Variants in SHROOM3 observed in about 807,000 individuals in gnomAD.
The protein encoded by SHROOM3 is shroom family member 3.
Under a neutral mutation model 138.6 loss-of-function variants are expected in SHROOM3, and 47 were observed. That is an observed-to-expected ratio of 0.34 (90% confidence interval 0.27 to 0.43). The LOEUF (loss-of-function observed/expected upper bound fraction) is 0.43. Among genes scored for constraint, SHROOM3 ranks in the 20% least tolerant of loss-of-function variants. SHROOM3 has a pLI of 1.00. For missense variants in SHROOM3, 2,491 were observed against 2,596.5 expected, an observed-to-expected ratio of 0.96 and a Z score of 0.88; for synonymous variants, 1,062 against 1,063.3, an observed-to-expected ratio of 1.00 and a Z score of 0.02.
At chr4:76,603,235 G>A (rs1013433480) in intron 2 of SHROOM3, among the ~76,000 whole-genome samples, 20 of 152,092 alleles carry the variant, frequency 1.3e-4, no homozygotes, top group East Asian at 3.9e-4. Context: ...TGGCTAACAC[G>A]GTGAAGCCCT....
At chr4:76,556,316 C>T (rs1011674158) in intron 2 of SHROOM3, among the ~76,000 whole-genome samples, 5 of 152,114 alleles carry the variant, frequency 3.3e-5, no homozygotes, top group South Asian at 2.1e-4. Flanking sequence ...ACCAACCCTT[C>T]GTGGAGGAAA....
chr4:76,710,181 G>A lies in SHROOM3; in HGVS notation c.349G>A (p.Ala117Thr). The A allele has an allele frequency of 6.2e-7, 1 of 1,614,132 alleles. No individual in the cohort carries two copies. Among genetic ancestry groups the A allele is most frequent in the East Asian group, 2.2e-5 (1 of 44,874 alleles). ...AGATGTGTGCACAGACCCAGGCCATGCAGATACTGGTGCCTCTAACTTCGT... is the reference window on the plus strand; with the variant it reads ...AGATGTGTGCACAGACCCAGGCCATACAGATACTGGTGCCTCTAACTTCGT... Reference protein sequence around the residue: ...RRDVCTDPGHADTGASNFVSP... With the variant: ...RRDVCTDPGHTDTGASNFVSP... The change falls in exon 3 of 11, where the codon GCA becomes ACA. Residue 117 changes from alanine to threonine, a missense_variant. Physicochemically the swap from Ala to Thr is moderately conservative, Grantham distance 58. This residue lies in a region of SHROOM3 where 284 missense variants were observed against 322.8 expected (regional missense o/e 0.88). Coordinates refer to ENST00000296043, the MANE Select transcript of SHROOM3 (RefSeq NM_020859.4).
intron 2 of SHROOM3, among the ~76,000 whole-genome samples, chr4:76,692,431 TGTAGA>T (rs1443138626): frequency 1.3e-5 from 2 of 152,206 alleles, no homozygotes; most frequent in African/African-American, 4.8e-5. Context: ...ATTCTGAAGG[TGTAGA>T]GTACAGGGGT....
rs1343305466 is a variant in SHROOM3 at position 76,755,131 on chromosome 4, C to T, written c.4648C>T (p.Pro1550Ser). 2 of 1,611,208 alleles carry T rather than the reference C, an allele frequency of 1.2e-6. No homozygotes were observed. Among genetic ancestry groups the T allele is most frequent in the Non-Finnish European group, 1.7e-6 (2 of 1,178,464 alleles). The change falls in exon 7 of 11, where the codon CCT (proline) becomes TCT (serine). Residue 1550 changes from proline to serine, a missense_variant. By Grantham distance (74) the Pro-to-Ser change is moderately conservative. Coordinates refer to ENST00000296043, the MANE Select transcript of SHROOM3 (RefSeq NM_020859.4). ...VYSMDDFPPPPPHTVCEAQLD... is the reference protein window; with the variant it reads ...VYSMDDFPPPSPHTVCEAQLD... The stretch of plus-strand genomic sequence containing the variant: ...TAGCATGGATGACTTCCCTCCACCT[C>T]CTCCCCACACTGTATGTGAGGCGCA...
chr4:76,742,214 T>A, intron 5 of SHROOM3: 1 of 475,638 alleles, frequency 2.1e-6, no homozygotes, highest in Non-Finnish European at 3.8e-6. Flanking sequence ...AAATGCAAGG[T>A]TAAGAAAAAT....
At chr4:76,605,939 A>G (rs1390568730) in intron 2 of SHROOM3, among the ~76,000 whole-genome samples, 3 of 141,870 alleles carry the variant, frequency 2.1e-5, no homozygotes, top group African/African-American at 8.0e-5. Context: ...CTCTCTATAT[A>G]TATATATACA....
chr4:76,754,628 C>A lies in SHROOM3; in HGVS notation c.4145C>A (p.Thr1382Asn), dbSNP rs1324166921. 2 of 1,614,176 alleles carry A rather than the reference C, an allele frequency of 1.2e-6. No individual in the cohort carries two copies. The highest frequency in any genetic ancestry group is 1.7e-6 in the Non-Finnish European group (2 of 1,180,024). Residue 1382 changes from threonine to asparagine, a missense_variant, in exon 7 of 11, where the codon ACC becomes AAC. Thr to Asn is a moderately conservative substitution (Grantham distance 65). Transcript: ENST00000296043. ...GGGCGACAGCCTCTCCCGCCCTACA[C>A]CCCTGCCATGATGCACAGAAGCAAT... is the stretch of plus-strand genomic sequence containing the variant. ...QTGRQPLPPY[T>N]PAMMHRSNGH...
Position 76,779,005 on chromosome 4 carries a change from A to G in SHROOM3, c.5819A>G (p.Asp1940Gly), listed in dbSNP as rs1360856783. ...CTCATTGAGCAACGGAAGCTGGATGACAAGATCAAGCTGGGCCAGGAGCAG... is the reference window on the plus strand; with the variant it reads ...CTCATTGAGCAACGGAAGCTGGATGGCAAGATCAAGCTGGGCCAGGAGCAG... ...TLLIEQRKLD[D>G]KIKLGQEQVK... The change falls in exon 11 of 11, where the codon GAC (aspartate) becomes GGC (glycine). Residue 1940 changes from aspartate (D) to glycine (G), a missense_variant. Asp to Gly is a moderately conservative substitution (Grantham distance 94). This residue lies in a region of SHROOM3 where 470 missense variants were observed against 595.0 expected (regional missense o/e 0.79). Coordinates refer to ENST00000296043, the MANE Select transcript of SHROOM3 (RefSeq NM_020859.4). The G allele has an allele frequency of 2.5e-6, 4 of 1,614,210 alleles. No individual in the cohort carries two copies. The highest frequency in any genetic ancestry group is 2.5e-6 in the Non-Finnish European group (3 of 1,180,038).
At chr4:76,629,680 G>A (rs996374932) in intron 2 of SHROOM3, among the ~76,000 whole-genome samples, 1 of 152,190 alleles carries the variant, frequency 6.6e-6, no homozygotes, top group Admixed American at 6.5e-5. Context: ...CGAAACAACA[G>A]TATCTACTGG....
chr4:76,473,990 A>C (rs1731432245), intron 1 of SHROOM3, among the ~76,000 whole-genome samples: 1 of 152,220 alleles, frequency 6.6e-6, no homozygotes, highest in African/African-American at 2.4e-5. Context: ...ACATAAGTCC[A>C]CACAAAAAAC....
At chr4:76,744,220 C>T (rs748225799) in intron 5 of SHROOM3, among the ~76,000 whole-genome samples, 17 of 152,172 alleles carry the variant, frequency 1.1e-4, no homozygotes, top group Admixed American at 3.3e-4. Context: ...CAAAACAGTA[C>T]TTGGGCACCC....
rs1366232096 is a variant in SHROOM3 at position 76,435,434 on chromosome 4, A to G, written c.-619A>G. On this transcript the variant is annotated 5_prime_UTR_variant, in exon 1 of 11. Transcript: ENST00000296043. ...AAACTATGAACTGATTGTTGAAAAAAAGAAGTAAAAAGTTTTAGCACAGCT... is the reference window on the plus strand; with the variant it reads ...AAACTATGAACTGATTGTTGAAAAAGAGAAGTAAAAAGTTTTAGCACAGCT... The G allele has an allele frequency of 1.3e-5, 2 of 152,206 alleles. No homozygotes were observed. The highest frequency in any genetic ancestry group is 4.8e-5 in the African/African-American group (2 of 41,440). The allele number at this position is 152,206 out of a possible 1,614,324, so 9.4% of individuals were successfully genotyped here.
At chr4:76,534,539 A>AT (rs72604239) in intron 1 of SHROOM3, among the ~76,000 whole-genome samples, 10 of 82,234 alleles carry the variant, frequency 1.2e-4, no homozygotes, top group African/African-American at 4.3e-4. Flanking sequence ...CATACAAAAA[A>AT]AGTAGTCTGA....
chr4:76,565,577 G>A (rs1435746779), intron 2 of SHROOM3, among the ~76,000 whole-genome samples: 2 of 152,032 alleles, frequency 1.3e-5, no homozygotes, highest in South Asian at 2.1e-4. Flanking sequence ...TGACCTTCTG[G>A]GATCAAGTGA....
intron 8 of SHROOM3, among the ~76,000 whole-genome samples, chr4:76,757,609 A>C (rs1324487300): frequency 6.6e-6 from 1 of 152,206 alleles, no homozygotes; most frequent in African/African-American, 2.4e-5. Flanking sequence ...TGAGGCATTA[A>C]GGTGGGTGTT....
chr4:76,727,168 C>A (rs1720731587), intron 3 of SHROOM3, among the ~76,000 whole-genome samples: 1 of 152,152 alleles, frequency 6.6e-6, no homozygotes, highest in Non-Finnish European at 1.5e-5. Context: ...GTATTTTGGG[C>A]CCACTGGGGT....
intron 1 of SHROOM3, among the ~76,000 whole-genome samples, chr4:76,488,822 A>T (rs1427621008): frequency 6.6e-6 from 1 of 151,492 alleles, no homozygotes; most frequent in Non-Finnish European, 1.5e-5. Flanking sequence ...GTACTAACTC[A>T]TGTGATTCTC....
chr4:76,532,693 C>T (rs1732857947), intron 1 of SHROOM3, among the ~76,000 whole-genome samples: 1 of 152,210 alleles, frequency 6.6e-6, no homozygotes, highest in South Asian at 2.1e-4. Flanking sequence ...TTTCCATCTT[C>T]CCAATTTCAT....
At chr4:76,725,647 A>G (rs926897999) in intron 3 of SHROOM3, among the ~76,000 whole-genome samples, 5 of 152,150 alleles carry the variant, frequency 3.3e-5, no homozygotes, top group African/African-American at 9.7e-5. Context: ...TCCCTCTTCC[A>G]GGTTAGGTTC....
Sources: allele counts gnomAD v4.1 joint callset (sites outside exome capture counted in the v4.1 genomes callset), GRCh38; gene constraint gnomAD v4.1.1; regional missense constraint gnomAD v4.1.1; transcripts MANE v1.5; gene names NCBI Gene and HGNC (gene_info 2026-07-23, HGNC 2026-07-21).